The following NAV2 variants were observed in gnomAD, a reference collection of about 807,000 sequenced individuals.
The protein encoded by NAV2 is neuron navigator 2.
In NAV2, 54 loss-of-function variants were observed where a neutral mutation model predicts 223.2. The ratio of observed to expected loss-of-function variants is 0.24; its 90% CI spans 0.19 to 0.30. NAV2 has a LOEUF of 0.30. Ranked by LOEUF, NAV2 falls within the 10% of genes least tolerant of loss-of-function variation. NAV2 has a pLI of 1.00. For synonymous variants in NAV2, 1,279 were observed against 1,239.3 expected, an observed-to-expected ratio of 1.03 and a Z score of -0.67; for missense variants, 2,806 against 3,147.5, an observed-to-expected ratio of 0.89 and a Z score of 2.60.
intron 1 of NAV2, among the ~76,000 whole-genome samples, chr11:19,413,714 A>C (rs535630783): frequency 2.0e-5 from 3 of 152,238 alleles, no homozygotes; most frequent in Admixed American, 6.5e-5. Flanking sequence ...CCATCAGACT[A>C]ACTGCAGATC....
chr11:19,473,981 T>C (rs1323858826), intron 1 of NAV2, among the ~76,000 whole-genome samples: 3 of 152,192 alleles, frequency 2.0e-5, no homozygotes, highest in Non-Finnish European at 2.9e-5. Flanking sequence ...CCTCATCAGG[T>C]CCGCTGGGGC....
At chr11:19,423,511 A>G (rs1850701159) in intron 1 of NAV2, among the ~76,000 whole-genome samples, 1 of 152,350 alleles carries the variant, frequency 6.6e-6, no homozygotes, top group South Asian at 2.1e-4. Context: ...TGAAGCTTCC[A>G]AACTGCTGGA....
At chr11:19,846,138 A>G (rs552513706) in intron 3 of NAV2, among the ~76,000 whole-genome samples, 1 of 152,306 alleles carries the variant, frequency 6.6e-6, no homozygotes, top group South Asian at 2.1e-4. Context: ...ACAAGAGATG[A>G]TGGGTGGAAG....
chr11:19,578,704 A>G (rs1459235193), intron 1 of NAV2, among the ~76,000 whole-genome samples: 2 of 152,228 alleles, frequency 1.3e-5, no homozygotes, highest in Non-Finnish European at 2.9e-5. Context: ...AGGGGTCTGC[A>G]TATTTTGGCT....
intron 1 of NAV2, chr11:19,511,576 C>A (rs1322278761): frequency 6.6e-6 from 1 of 152,184 alleles, no homozygotes; most frequent in African/African-American, 2.4e-5. Flanking sequence ...TGAGGACCTC[C>A]AGGCTGGGAA....
intron 12 of NAV2, among the ~76,000 whole-genome samples, chr11:20,038,033 A>G (rs2056568256): frequency 6.6e-6 from 1 of 152,200 alleles, no homozygotes; most frequent in Non-Finnish European, 1.5e-5. Context: ...AGGTAGGAGA[A>G]GCTTGCTCCT....
At chr11:19,643,332 A>C (rs2047719858) in intron 1 of NAV2, among the ~76,000 whole-genome samples, 1 of 100,058 alleles carries the variant, frequency 1.0e-5, no homozygotes. Context: ...ACCCCACGAC[A>C]GGCCCCAGTG....
chr11:20,117,100 G>A (rs1592244149), intron 37 of NAV2, among the ~76,000 whole-genome samples: 1 of 152,174 alleles, frequency 6.6e-6, no homozygotes, highest in African/African-American at 2.4e-5. Flanking sequence ...TGGATTGTAT[G>A]CCCAGCTGCA....
chr11:20,046,498 G>C (rs970044372), intron 14 of NAV2, among the ~76,000 whole-genome samples: 23 of 151,562 alleles, frequency 1.5e-4, no homozygotes, highest in African/African-American at 5.6e-4. Context: ...ATCTTGACCA[G>C]CTCCTTCCTT....
intron 1 of NAV2, among the ~76,000 whole-genome samples, chr11:19,683,836 A>G (rs1188045254): frequency 6.6e-6 from 1 of 152,262 alleles, no homozygotes; most frequent in African/African-American, 2.4e-5. Flanking sequence ...GAGAAAACTC[A>G]GGATATTAAA....
chr11:19,978,073 C>T (rs1484452498), intron 10 of NAV2, among the ~76,000 whole-genome samples: 2 of 151,904 alleles, frequency 1.3e-5, no homozygotes, highest in Admixed American at 6.6e-5. Flanking sequence ...GATCCACCCA[C>T]CTCAGCCTCC....
chr11:20,083,205 A>G, intron 26 of NAV2, 26 bp downstream of exon 26: 1 of 1,592,926 alleles, frequency 6.3e-7, no homozygotes, highest in Non-Finnish European at 8.6e-7. Context: ...TAGTCAGATA[A>G]CATCTTTGGC....
intron 1 of NAV2, among the ~76,000 whole-genome samples, chr11:19,684,243 C>A (rs973452373): frequency 1.3e-5 from 2 of 152,216 alleles, no homozygotes; most frequent in Middle Eastern, 3.4e-3. Flanking sequence ...CTTTTCATGC[C>A]AACTGTTATA....
chr11:19,934,277 G>T lies in NAV2; in HGVS notation c.2033G>T (p.Arg678Met). Residue 678 changes from arginine (R) to methionine (M), a missense_variant and splice_region_variant, in exon 7 of 38, where the codon AGG (arginine) becomes ATG (methionine). Around this residue, in one of 4 missense-constraint regions of NAV2, gnomAD observed 1,167 missense variants for 1,180.5 expected, o/e 0.99. Transcript: ENST00000349880. Reference protein sequence around the residue: ...NTATVAPFLYRSQTDTEGNVT... With the variant: ...NTATVAPFLYMSQTDTEGNVT... ...GCCACGGTTGCACCTTTCCTGTACA[G>T]GTAGGAGCTGCCACCCACCTGTGCT... 6.4e-7 allele frequency: 1 copy of T among 1,569,554 alleles called. No homozygotes were observed. Among genetic ancestry groups the T allele is most frequent in the Non-Finnish European group, 8.6e-7 (1 of 1,156,300 alleles).
At chr11:20,100,025 G>A (rs530883541) in intron 31 of NAV2, among the ~76,000 whole-genome samples, 2 of 152,208 alleles carry the variant, frequency 1.3e-5, no homozygotes, top group African/African-American at 2.4e-5. Context: ...AGATGCATTG[G>A]GGGGATCTGC....
chr11:19,644,458 C>G (rs527346220), intron 1 of NAV2, among the ~76,000 whole-genome samples: 2 of 152,344 alleles, frequency 1.3e-5, no homozygotes, highest in African/African-American at 4.8e-5. Context: ...TCATATAACC[C>G]TCTGTGGTAG....
intron 1 of NAV2, among the ~76,000 whole-genome samples, chr11:19,397,419 G>GTGTGTGTGTGTGTGTGTGCACA (rs1554919831): frequency 1.4e-5 from 1 of 70,514 alleles, no homozygotes; most frequent in African/African-American, 6.1e-5. Flanking sequence ...GTGTGTGTGT[G>GTGTGTGTGTGTGTGTGTGCACA]CGCGCATGTG....
chr11:19,561,068 A>T (rs1472730920), intron 1 of NAV2, among the ~76,000 whole-genome samples: 1 of 152,222 alleles, frequency 6.6e-6, no homozygotes, highest in Non-Finnish European at 1.5e-5. Context: ...TCTTCTGAAT[A>T]CACCTGGCAA....
At chr11:19,371,805 T>C (rs1356437366) in intron 1 of NAV2, among the ~76,000 whole-genome samples, 4 of 142,646 alleles carry the variant, frequency 2.8e-5, no homozygotes, top group Non-Finnish European at 1.5e-5. Context: ...GGAGTCTCAC[T>C]CTGTTGCTCA....
Sources: gnomAD v4.1 joint callset for allele counts (sites outside exome capture counted in the v4.1 genomes callset) on GRCh38, gnomAD v4.1.1 for gene constraint, gnomAD v4.1.1 regional missense constraint, MANE v1.5 for transcripts, NCBI Gene and HGNC (gene_info 2026-07-23, HGNC 2026-07-21) for gene names.